The following ONECUT3 variants were observed in gnomAD, a reference collection of about 807,000 sequenced individuals.
ONECUT3 encodes the protein one cut homeobox 3.
A neutral mutation model predicts 16.8 loss-of-function variants in ONECUT3; 11 were observed. The ratio of observed to expected loss-of-function variants is 0.66; its 90% confidence interval spans 0.41 to 1.09. The LOEUF is 1.09. ONECUT3 is among the 50% of genes least tolerant of loss of function. The pLI, the probability that ONECUT3 is intolerant of heterozygous loss-of-function variation, is 0.00. For missense variants in ONECUT3, 637 were observed against 629.9 expected, an observed-to-expected ratio of 1.01 and a Z score of -0.12; for synonymous variants, 344 against 310.7, an observed-to-expected ratio of 1.11 and a Z score of -1.13.
At chr19:1,760,035 G>T (rs2067938537) in intron 1 of ONECUT3, among the ~76,000 whole-genome samples, 2 of 152,202 alleles carry the variant, frequency 1.3e-5, no homozygotes, top group Non-Finnish European at 1.5e-5. Flanking sequence ...CGTGCAGAGG[G>T]GGAGGGAGAT....
Position 1,756,695 on chromosome 19 carries a change from A to ATTTTTTTTTTTTT in ONECUT3, c.1192+1853_1192+1865dup, listed in dbSNP as rs58105449. Among the ~76,000 whole-genome samples the ATTTTTTTTTTTTT allele has an allele frequency of 7.6e-3, 768 of 101,120 alleles. 4 individuals carry two copies. Among genetic ancestry groups the ATTTTTTTTTTTTT allele is most frequent in the Non-Finnish European group, 1.0e-2 (538 of 54,034 alleles). 66.3% of individuals were successfully genotyped at this position (101,120 alleles called of 152,430 possible). ...CAGACGCCCGCCACCACGCCTGGCT[A>ATTTTTTTTTTTTT]TTTTTTTTTTTTTTTTTTTTTTTTG... On this transcript the variant is annotated intron_variant, in intron 1 of 1. Coordinates refer to ENST00000382349, the MANE Select transcript of ONECUT3 (RefSeq NM_001080488.2).
rs972553197 is a variant in ONECUT3 at position 1,755,530 on chromosome 19, C to T, written c.1192+676C>T. Among the ~76,000 whole-genome samples the T allele has an allele frequency of 1.4e-4, 22 of 151,994 alleles. No individual in the cohort carries two copies. The highest frequency in any genetic ancestry group is 3.2e-4 in the Non-Finnish European group (22 of 67,962). ...CCCCGGGGACCCTCGGCCCGCGCCG[C>T]CCGGAGGCCTTCACACCCCGACCCG... On this transcript the variant is annotated intron_variant, in intron 1 of 1. Coordinates refer to ENST00000382349, the MANE Select transcript of ONECUT3 (RefSeq NM_001080488.2). The surrounding 1 kb of genome is among the most constrained non-coding windows in gnomAD (Gnocchi z 7.5).
In ONECUT3 at chr19:1,762,132, A is replaced by C. The variant is rs767638310; in HGVS notation, c.1192+7278A>C. ...ACTCCCCTAAGTGGGGTGCGGGGAC[A>C]TCTGGAAGACGCCCCATCTCCCCCT... On this transcript the variant is annotated intron_variant, in intron 1 of 1. Coordinates refer to ENST00000382349, the MANE Select transcript of ONECUT3 (RefSeq NM_001080488.2). This position sits in a 1 kb window ranked among gnomAD's most constrained non-coding sequence, Gnocchi z 4.4. 6.6e-6 allele frequency among the ~76,000 whole-genome samples: 1 copy of C among 152,186 alleles called. No individual in the cohort carries two copies. Among genetic ancestry groups the C allele is most frequent in the African/African-American group, 2.4e-5 (1 of 41,452 alleles).
At position 1,775,424 on chromosome 19, in the gene ONECUT3, G is replaced by A. The variant is rs1297075284; in HGVS notation, c.1464G>A (p.Thr488=). The change falls in exon 2 of 2, where the codon ACG becomes ACA. Residue 488 remains threonine, a synonymous_variant. Coordinates refer to ENST00000382349, the MANE Select transcript of ONECUT3 (RefSeq NM_001080488.2). ...STAPGGPAGA[T]ATFSKA ...CCCCCGGGGGCCCCGCCGGCGCCACGGCCACTTTCTCCAAGGCCTGAGGCG... is the reference window on the plus strand; with the variant it reads ...CCCCCGGGGGCCCCGCCGGCGCCACAGCCACTTTCTCCAAGGCCTGAGGCG... The A allele has an allele frequency of 6.6e-7, 1 of 1,526,256 alleles. No individual in the cohort carries two copies. Among genetic ancestry groups the A allele is most frequent in the South Asian group, 1.2e-5 (1 of 82,006 alleles). The allele number at this position is 1,526,256 out of a possible 1,614,324, so 94.5% of individuals were successfully genotyped here.
At chr19:1,767,631 A>T (rs2068004944) in intron 1 of ONECUT3, among the ~76,000 whole-genome samples, 2 of 152,118 alleles carry the variant, frequency 1.3e-5, no homozygotes, top group African/African-American at 2.4e-5. Flanking sequence ...CCTCTGCTGG[A>T]CACAGCGGGA....
chr19:1,754,549 A>G lies in ONECUT3; in HGVS notation c.887A>G (p.His296Arg). 3 of 987,598 alleles carry G rather than the reference A, an allele frequency of 3.0e-6. No individual in the cohort carries two copies. Among genetic ancestry groups the G allele is most frequent in the Non-Finnish European group, 3.6e-6 (3 of 833,068 alleles). 61.2% of individuals were successfully genotyped at this position (987,598 alleles called of 1,614,324 possible). The change falls in exon 1 of 2, where the codon CAC becomes CGC. Residue 296 changes from histidine to arginine, a missense_variant. Coordinates refer to ENST00000382349, the MANE Select transcript of ONECUT3 (RefSeq NM_001080488.2). The surrounding 1 kb of genome is among the most constrained non-coding windows in gnomAD (Gnocchi z 7.4). Reference protein sequence around the residue: ...PLGGLAAAGAHGPHGGGGGPG... With the variant: ...PLGGLAAAGARGPHGGGGGPG... The stretch of plus-strand genomic sequence containing the variant: ...GGCGGGCTGGCGGCGGCCGGGGCGC[A>G]CGGGCCGCACGGGGGAGGCGGCGGC...
In ONECUT3 at chr19:1,755,858, G is replaced by T. The variant is rs976738582; in HGVS notation, c.1192+1004G>T. ...CACCTGCCCTCTGACAGGCAGCCCG[G>T]CCAGGCCCCCATTTCCTAGGTGGGG... On this transcript the variant is annotated intron_variant, in intron 1 of 1. Transcript: ENST00000382349. The surrounding 1 kb of genome is among the most constrained non-coding windows in gnomAD (Gnocchi z 7.5). Among the ~76,000 whole-genome samples, 1 of 151,756 alleles carries T rather than the reference G, an allele frequency of 6.6e-6. No homozygotes were observed. Among genetic ancestry groups the T allele is most frequent in the Non-Finnish European group, 1.5e-5 (1 of 67,902 alleles).
In ONECUT3 at chr19:1,753,805, C is replaced by A. The variant is rs2067901107; in HGVS notation, c.143C>A (p.Ala48Asp). 2.1e-6 allele frequency: 2 copies of A among 966,784 alleles called. No individual in the cohort carries two copies. Among genetic ancestry groups the A allele is most frequent in the Non-Finnish European group, 2.5e-6 (2 of 815,440 alleles). 59.9% of individuals were successfully genotyped at this position (966,784 alleles called of 1,614,324 possible). The change falls in exon 1 of 2, where the codon GCC (alanine) becomes GAC (aspartate). Residue 48 changes from alanine to aspartate, a missense_variant. By Grantham distance (126) the Ala-to-Asp change is moderately radical. Transcript: ENST00000382349. Reference protein sequence around the residue: ...LVAPGRPGLVAGMASLLDGGG... With the variant: ...LVAPGRPGLVDGMASLLDGGG... ...GCGCCCGGGCGCCCGGGCCTGGTGG[C>A]CGGCATGGCGAGCCTGCTGGACGGC...
At position 1,775,230 on chromosome 19, in the gene ONECUT3, C is replaced by G; in HGVS notation, c.1270C>G (p.Leu424Val). ...PKKQRLVFTD[L>V]QRRTLIAIFK... ...GAAGCAGCGCCTGGTGTTCACCGAC[C>G]TGCAGCGACGCACGCTGATCGCCAT... The change falls in exon 2 of 2, where the codon CTG becomes GTG. Residue 424 changes from leucine (L) to valine (V), a missense_variant. Leu to Val is a conservative substitution (Grantham distance 32, BLOSUM62 1). Around this residue, in one of 3 missense-constraint regions of ONECUT3, gnomAD observed 183 missense variants for 188.3 expected, o/e 0.97. Coordinates refer to ENST00000382349, the MANE Select transcript of ONECUT3 (RefSeq NM_001080488.2). 6.3e-7 allele frequency: 1 copy of G among 1,579,102 alleles called. No individual in the cohort carries two copies. Among genetic ancestry groups the G allele is most frequent in the South Asian group, 1.2e-5 (1 of 86,538 alleles).
chr19:1,754,762 G>A lies in ONECUT3; in HGVS notation c.1100G>A (p.Ser367Asn), dbSNP rs1338863812. 1 of 1,573,148 alleles carries A rather than the reference G, an allele frequency of 6.4e-7. No homozygotes were observed. The highest frequency in any genetic ancestry group is 8.6e-7 in the Non-Finnish European group (1 of 1,162,042). ...SDLLRNPKPW[S>N]KLKSGRETFR... ...CTGCTGCGCAACCCCAAGCCGTGGA[G>A]CAAGCTCAAATCCGGCCGCGAGACC... The change falls in exon 1 of 2, where the codon AGC (serine) becomes AAC (asparagine). Residue 367 changes from serine (S) to asparagine (N), a missense_variant. By Grantham distance (46) the Ser-to-Asn change is conservative (BLOSUM62 1). This residue lies in a region of ONECUT3 where 183 missense variants were observed against 188.3 expected (regional missense o/e 0.97). Transcript: ENST00000382349. The surrounding 1 kb of genome is among the most constrained non-coding windows in gnomAD (Gnocchi z 7.4).
intron 1 of ONECUT3, among the ~76,000 whole-genome samples, chr19:1,772,392 C>A (rs1235907359): frequency 3.9e-5 from 6 of 152,028 alleles, no homozygotes; most frequent in Non-Finnish European, 7.4e-5. Context: ...GTGGTGAGAT[C>A]ATGCTCACTG....
Position 1,754,089 on chromosome 19 carries a change from G to T in ONECUT3, c.427G>T (p.Ala143Ser). The change falls in exon 1 of 2, where the codon GCG becomes TCG. Residue 143 changes from alanine (A) to serine (S), a missense_variant. Physicochemically the swap from Ala to Ser is moderately conservative, Grantham distance 99. This residue lies in a region of ONECUT3 where 419 missense variants were observed against 377.9 expected (regional missense o/e 1.11). Coordinates refer to ENST00000382349, the MANE Select transcript of ONECUT3 (RefSeq NM_001080488.2). The surrounding 1 kb of genome is among the most constrained non-coding windows in gnomAD (Gnocchi z 7.4). ...CGGGGCGCACGGCGGCCATCCCCACGCGCACCCGCACCCGGCGGCCGCGCC... is the reference window on the plus strand; with the variant it reads ...CGGGGCGCACGGCGGCCATCCCCACTCGCACCCGCACCCGGCGGCCGCGCC... ...VAGAHGGHPH[A>S]HPHPAAAPPP... 1.0e-6 allele frequency: 1 copy of T among 1,003,306 alleles called. No individual in the cohort carries two copies. Among genetic ancestry groups the T allele is most frequent in the Non-Finnish European group, 1.2e-6 (1 of 844,146 alleles). 62.2% of individuals were successfully genotyped at this position (1,003,306 alleles called of 1,614,324 possible). A position where few individuals can be genotyped will look rare whatever the true frequency, so the allele number is the denominator to read the frequency against.
chr19:1,765,079 C>T (rs1037672400), intron 1 of ONECUT3, among the ~76,000 whole-genome samples: 6 of 152,116 alleles, frequency 3.9e-5, no homozygotes, highest in African/African-American at 1.4e-4. Context: ...TACAGACTGT[C>T]GGGCACAGAG....
rs2067934347 is a variant in ONECUT3 at position 1,759,395 on chromosome 19, C to A, written c.1192+4541C>A. On this transcript the variant is annotated intron_variant, in intron 1 of 1. Transcript: ENST00000382349. The surrounding 1 kb of genome is among the most constrained non-coding windows in gnomAD (Gnocchi z 4.1). ...AAATGGGCGAGGCAATCTGGGAGTC[C>A]CCCTTAAAGGGACAGGTGTCCACCC... Among the ~76,000 whole-genome samples the A allele has an allele frequency of 6.6e-6, 1 of 151,482 alleles. No homozygotes were observed.
chr19:1,767,023 G>A (rs1217214322), intron 1 of ONECUT3, among the ~76,000 whole-genome samples: 1 of 152,118 alleles, frequency 6.6e-6, no homozygotes, highest in Non-Finnish European at 1.5e-5. Context: ...TTCCTGGGGA[G>A]AGGCCATTGC....
rs1011523662 is a variant in ONECUT3, at chr19:1,755,446, C to G, written c.1192+592C>G. On this transcript the variant is annotated intron_variant, in intron 1 of 1. Transcript: ENST00000382349. The surrounding 1 kb of genome is among the most constrained non-coding windows in gnomAD (Gnocchi z 7.5). ...TAGTTCGGCCCCGCGATCGATACCC[C>G]CTCCCTCTCCCCTCCGGCCGCTGGC... is the stretch of plus-strand genomic sequence containing the variant. Among the ~76,000 whole-genome samples the G allele has an allele frequency of 1.3e-5, 2 of 152,196 alleles. No individual in the cohort carries two copies. Among genetic ancestry groups the G allele is most frequent in the African/African-American group, 4.8e-5 (2 of 41,538 alleles).
chr19:1,775,487 C>T lies in ONECUT3; in HGVS notation c.*42C>T, dbSNP rs1425572373. The T allele has an allele frequency of 2.8e-6, 4 of 1,420,992 alleles. No homozygotes were observed. Among genetic ancestry groups the T allele is most frequent in the Non-Finnish European group, 1.8e-6 (2 of 1,095,452 alleles). The allele number at this position is 1,420,992 out of a possible 1,614,324, so 88.0% of individuals were successfully genotyped here. A position where few individuals can be genotyped will look rare whatever the true frequency, so the allele number is the denominator to read the frequency against. ...GCCCTCCCTGCCTCCACGGCCTGGGCGCTGTGCCCCCACGTCACCTCCCCA... is the reference window on the plus strand; with the variant it reads ...GCCCTCCCTGCCTCCACGGCCTGGGTGCTGTGCCCCCACGTCACCTCCCCA... On this transcript the variant is annotated 3_prime_UTR_variant, in exon 2 of 2. Transcript: ENST00000382349.
At position 1,758,734 on chromosome 19, in the gene ONECUT3, C is replaced by G. The variant is rs1157535793; in HGVS notation, c.1192+3880C>G. Among the ~76,000 whole-genome samples, 1 of 147,776 alleles carries G rather than the reference C, an allele frequency of 6.8e-6. No homozygotes were observed. The highest frequency in any genetic ancestry group is 1.5e-5 in the Non-Finnish European group (1 of 66,602). On this transcript the variant is annotated intron_variant, in intron 1 of 1. Coordinates refer to ENST00000382349, the MANE Select transcript of ONECUT3 (RefSeq NM_001080488.2). The surrounding 1 kb of genome is among the most constrained non-coding windows in gnomAD (Gnocchi z 5.9). Reference sequence around the variant, plus strand: ...CCTGGTCAAAGCTCTCCCCTGGCGCCGTCTCCAACAGTAATTATGGGAGAG... The same window carrying G: ...CCTGGTCAAAGCTCTCCCCTGGCGCGGTCTCCAACAGTAATTATGGGAGAG...
Position 1,778,684 on chromosome 19 carries a change from G to C in ONECUT3, c.*3239G>C, listed in dbSNP as rs1017062013. ...TTTTAGCTATGCTGAACTGTGGTCA[G>C]ATCAGGTCAAGCCTCTTGGTCACAG... On this transcript the variant is annotated 3_prime_UTR_variant, in exon 2 of 2. Transcript: ENST00000382349. 2 of 152,086 alleles carry C rather than the reference G, an allele frequency of 1.3e-5. No individual in the cohort carries two copies. The highest frequency in any genetic ancestry group is 2.9e-5 in the Non-Finnish European group (2 of 68,106). The allele number at this position is 152,086 out of a possible 1,614,324, so 9.4% of individuals were successfully genotyped here.
Sources: allele counts gnomAD v4.1 joint callset (sites outside exome capture counted in the v4.1 genomes callset), GRCh38; gene constraint gnomAD v4.1.1; regional missense constraint gnomAD v4.1.1; non-coding constraint Gnocchi (gnomAD v3.1); transcripts MANE v1.5; gene names NCBI Gene and HGNC (gene_info 2026-07-23, HGNC 2026-07-21).